ATG10: variants seen among roughly 807,000 people sequenced by gnomAD.
ATG10 encodes autophagy related 10.
ATG10 carries 30 observed loss-of-function variants against 32.1 expected under a neutral mutation model. The ratio of observed to expected loss-of-function variants is 0.94; its 90% CI spans 0.70 to 1.27. The LOEUF is 1.27. Ranked by LOEUF, ATG10 falls within the 50% of genes most tolerant of loss-of-function variation. The pLI is 0.00. For synonymous variants in ATG10, 87 were observed against 91.5 expected (o/e 0.95, Z 0.28); for missense variants, 233 against 262.3 (o/e 0.89, Z 0.77).
rs566275580 is a variant in ATG10, at chr5:82,040,385, G to T, written c.109-18110G>T. Among the ~76,000 whole-genome samples, 340 of 152,288 alleles carry T rather than the reference G, an allele frequency of 2.2e-3. 1 individual carries two copies. The highest frequency in any genetic ancestry group is 7.9e-3 in the African/African-American group (328 of 41,556). The stretch of plus-strand genomic sequence containing the variant: ...ACCAGAATGATAAAAACCAGTCCTG[G>T]CATAGGTGCAGTGAAACAGGCATTC... On this transcript the variant is annotated intron_variant, in intron 2 of 7. Coordinates refer to ENST00000282185, the MANE Select transcript of ATG10 (RefSeq NM_031482.5).
chr5:82,107,971 A>T (rs1056403173), intron 3 of ATG10, among the ~76,000 whole-genome samples: 11 of 152,022 alleles, frequency 7.2e-5, no homozygotes, highest in Admixed American at 2.6e-4. Context: ...TTAGAGCAAG[A>T]CAATTCTAGG....
chr5:82,205,735 A>T lies in ATG10; in HGVS notation c.453+27148A>T, dbSNP rs183275381. Reference sequence around the variant, plus strand: ...GGAGATGGAAGAGTAGACTAGAGAAATATATTAGGACAAACAGAAGGCATG... The same window carrying T: ...GGAGATGGAAGAGTAGACTAGAGAATTATATTAGGACAAACAGAAGGCATG... On this transcript the variant is annotated intron_variant, in intron 5 of 7. Transcript: ENST00000282185. 1.6e-3 allele frequency among the ~76,000 whole-genome samples: 239 copies of T among 152,324 alleles called. 2 individuals carry two copies. Among genetic ancestry groups the T allele is most frequent in the African/African-American group, 5.4e-3 (223 of 41,574 alleles).
At chr5:82,084,976 G>T (rs577758933) in intron 3 of ATG10, among the ~76,000 whole-genome samples, 29 of 152,130 alleles carry the variant, frequency 1.9e-4, no homozygotes, top group Middle Eastern at 3.4e-3. Flanking sequence ...AATTCACACA[G>T]AACAATATTA....
intron 3 of ATG10, among the ~76,000 whole-genome samples, chr5:82,071,905 T>G (rs1485420668): frequency 1.3e-5 from 2 of 152,020 alleles, no homozygotes; most frequent in Admixed American, 6.6e-5. Context: ...ATCAGAGAGA[T>G]AGAACAAGTC....
chr5:82,152,590 A>G (rs1003931711), intron 3 of ATG10, among the ~76,000 whole-genome samples: 1 of 152,242 alleles, frequency 6.6e-6, no homozygotes, highest in Non-Finnish European at 1.5e-5. Flanking sequence ...GTAGAGGGCC[A>G]GCCAAGGCCT....
At chr5:82,225,439 C>G (rs926743919) in intron 5 of ATG10, among the ~76,000 whole-genome samples, 3 of 152,202 alleles carry the variant, frequency 2.0e-5, no homozygotes, top group African/African-American at 7.2e-5. Context: ...TGCAGATCAT[C>G]ACATCTGGAA....
intron 5 of ATG10, among the ~76,000 whole-genome samples, chr5:82,198,510 C>T (rs1561352966): frequency 6.6e-6 from 1 of 152,172 alleles, no homozygotes; most frequent in East Asian, 1.9e-4. Flanking sequence ...TCTGCCTGTC[C>T]CAGCCTCCCA....
chr5:82,030,485 C>T (rs796286083), intron 2 of ATG10, among the ~76,000 whole-genome samples: 82 of 152,306 alleles, frequency 5.4e-4, no homozygotes, highest in African/African-American at 1.9e-3. Context: ...TACTTGTCCG[C>T]TTCTCCATGT....
chr5:81,988,768 T>G (rs1293460045), intron 2 of ATG10, among the ~76,000 whole-genome samples: 1 of 152,104 alleles, frequency 6.6e-6, no homozygotes, highest in Non-Finnish European at 1.5e-5. Context: ...GATTCAGTAA[T>G]AATGTAAAAG....
At chr5:82,208,856 C>T (rs542424705) in intron 5 of ATG10, among the ~76,000 whole-genome samples, 3 of 152,248 alleles carry the variant, frequency 2.0e-5, no homozygotes, top group South Asian at 4.1e-4. Context: ...AATACAACTT[C>T]GTTGTAATAT....
chr5:82,170,226 G>GA (rs147139761), intron 4 of ATG10, among the ~76,000 whole-genome samples: 1,821 of 152,114 alleles, frequency 0.012, 27 homozygotes, highest in African/African-American at 0.042. Context: ...GTGCCATATG[G>GA]AAAAAACATC....
At position 82,024,678 on chromosome 5, in the gene ATG10, T is replaced by C. The variant is rs181821829; in HGVS notation, c.109-33817T>C. Among the ~76,000 whole-genome samples, 15 of 152,288 alleles carry C rather than the reference T, an allele frequency of 9.8e-5. No homozygotes were observed. The East Asian group carries it at 2.9e-3, about 29-fold the overall frequency. ...TATAACATAACATTATGTATTGAAG[T>C]TTGACTAAAGAAAAAAGGCCATGAT... On this transcript the variant is annotated intron_variant, in intron 2 of 7. Coordinates refer to ENST00000282185, the MANE Select transcript of ATG10 (RefSeq NM_031482.5).
At chr5:82,090,471 C>T (rs1347270272) in intron 3 of ATG10, among the ~76,000 whole-genome samples, 4 of 152,088 alleles carry the variant, frequency 2.6e-5, no homozygotes, top group African/African-American at 9.7e-5. Context: ...AATCAATGGC[C>T]AGAGAATGAT....
At chr5:82,121,089 C>G (rs1561308816) in intron 3 of ATG10, among the ~76,000 whole-genome samples, 1 of 152,080 alleles carries the variant, frequency 6.6e-6, no homozygotes, top group East Asian at 1.9e-4. Flanking sequence ...AACCTACGGT[C>G]TTTTTTCTTT....
intron 1 of ATG10, among the ~76,000 whole-genome samples, chr5:81,984,931 A>T (rs935734512): frequency 2.6e-5 from 4 of 152,238 alleles, no homozygotes; most frequent in Non-Finnish European, 5.9e-5. Flanking sequence ...CTAATTTTGT[A>T]ATCAAGCCAT....
chr5:82,040,573 TA>T (rs1259315960), intron 2 of ATG10, among the ~76,000 whole-genome samples: 1 of 152,094 alleles, frequency 6.6e-6, no homozygotes, highest in African/African-American at 2.4e-5. Flanking sequence ...AAACTTATTT[TA>T]AAAAAATAGA....
At chr5:82,069,683 C>G (rs944394393) in intron 3 of ATG10, among the ~76,000 whole-genome samples, 1 of 152,024 alleles carries the variant, frequency 6.6e-6, no homozygotes, top group Admixed American at 6.6e-5. Flanking sequence ...CAATATACTG[C>G]GAACTTAACT....
rs1278200077 is a variant in ATG10 at position 82,246,530 on chromosome 5, A to G, written c.454-6032A>G. 2.0e-5 allele frequency among the ~76,000 whole-genome samples: 3 copies of G among 147,378 alleles called. No homozygotes were observed. The Admixed American group carries it at 2.0e-4, about 10-fold the overall frequency. Reference sequence around the variant, plus strand: ...GTGAGACTTTATCTCTTAAAAAAAAAAAAAGAAAAAAAGAAAAAAAATTAT... The same window carrying G: ...GTGAGACTTTATCTCTTAAAAAAAAGAAAAGAAAAAAAGAAAAAAAATTAT... On this transcript the variant is annotated intron_variant, in intron 5 of 7. Transcript: ENST00000282185.
chr5:82,201,852 A>G (rs899997067), intron 5 of ATG10, among the ~76,000 whole-genome samples: 3 of 152,178 alleles, frequency 2.0e-5, no homozygotes, highest in Non-Finnish European at 4.4e-5. Flanking sequence ...TCCTGTATAC[A>G]TTTCCTTAAA....
Sources: allele counts gnomAD v4.1 joint callset (sites outside exome capture counted in the v4.1 genomes callset), GRCh38; gene constraint gnomAD v4.1.1; transcripts MANE v1.5; gene names NCBI Gene and HGNC (gene_info 2026-07-23, HGNC 2026-07-21).